The following KIF7 variants were observed in gnomAD, a reference collection of about 807,000 sequenced individuals.
KIF7 encodes the protein kinesin family member 7.
In KIF7, 104 loss-of-function variants were observed where a neutral mutation model predicts 135.7. That is an observed-to-expected ratio of 0.77 (90% confidence interval 0.65 to 0.90). KIF7 has a LOEUF of 0.90. KIF7 is among the 40% of genes least tolerant of loss of function. The probability of loss-of-function intolerance (pLI) is 0.00; values close to 1 mark genes in which losing one functional copy is unlikely to be tolerated. For missense variants in KIF7, 2,005 were observed against 1,839.1 expected (o/e 1.09, Z -1.65); for synonymous variants, 883 against 809.4 (o/e 1.09, Z -1.54).
intron 11 of KIF7, among the ~76,000 whole-genome samples, chr15:89,635,016 A>T (rs1963774355): frequency 6.6e-6 from 1 of 152,042 alleles, no homozygotes; most frequent in Non-Finnish European, 1.5e-5. Flanking sequence ...TGGGTTCCTG[A>T]CCCCTGACCT....
the KIF7 span, among the ~76,000 whole-genome samples, chr15:89,662,414 T>C: frequency 6.6e-6 from 1 of 152,160 alleles, no homozygotes; most frequent in Non-Finnish European, 1.5e-5. Flanking sequence ...AGACAATCGC[T>C]TAAGCCTGGG....
Position 89,648,115 on chromosome 15 carries a change from C to T in KIF7, c.1443+140G>A, listed in dbSNP as rs377735449. 110 of 1,357,126 alleles carry T rather than the reference C, an allele frequency of 8.1e-5. No homozygotes were observed. In the East Asian group the frequency reaches 1.7e-3, roughly 20 times the overall value. The allele number at this position is 1,357,126 out of a possible 1,614,324, so 84.1% of individuals were successfully genotyped here. On this transcript the variant is annotated intron_variant, in intron 5 of 18. Transcript: ENST00000394412. ...AAGTTAAGGAAGTGACCACGGTAAT[C>T]AGCAGAAGTGACCGAATCCCGAACG... is the stretch of plus-strand genomic sequence containing the variant.
intron 10 of KIF7, among the ~76,000 whole-genome samples, chr15:89,644,685 A>G (rs575452248): frequency 6.6e-6 from 1 of 152,312 alleles, no homozygotes; most frequent in East Asian, 1.9e-4. Context: ...CTCTTTCTCA[A>G]AAAAAGAAAA....
chr15:89,623,969 C>T (rs745474783), downstream of KIF7: 2 of 1,613,978 alleles, frequency 1.2e-6, no homozygotes, highest in Admixed American at 3.3e-5. Context: ...AATTCCAGTC[C>T]AGAAAGCCCC....
downstream of KIF7, among the ~76,000 whole-genome samples, chr15:89,626,750 T>G (rs1474978105): frequency 3.9e-5 from 6 of 152,338 alleles, no homozygotes; most frequent in East Asian, 3.9e-4. Flanking sequence ...CAGAGCTGCT[T>G]CTTGCTGCCA....
At chr15:89,623,604 T>G (rs770981918), downstream of KIF7, 1 of 1,586,602 alleles carries the variant, frequency 6.3e-7, no homozygotes, top group Non-Finnish European at 8.6e-7. Flanking sequence ...AGGACTGAAA[T>G]AAGCATTTCT....
rs1324387832 is a variant in KIF7, at chr15:89,648,571, G to A, written c.1127C>T (p.Pro376Leu). 2.0e-6 allele frequency: 3 copies of A among 1,487,830 alleles called. No homozygotes were observed. Among genetic ancestry groups the A allele is most frequent in the Admixed American group, 2.1e-5 (1 of 46,680 alleles). 92.2% of individuals were successfully genotyped at this position (1,487,830 alleles called of 1,614,324 possible). A position where few individuals can be genotyped will look rare whatever the true frequency, so the allele number is the denominator to read the frequency against. The stretch of plus-strand genomic sequence containing the variant: ...GATGCGGGTCTCGGAGCGGTGCCGT[G>A]GCGGACCCCGCGCGCCGCTCGCCGT... ...EETASGARGP[P>L]RHRSETRIIH... Residue 376 changes from proline (P) to leucine (L), a missense_variant, in exon 5 of 19, where the codon CCA becomes CTA. Coordinates refer to ENST00000394412, the MANE Select transcript of KIF7 (RefSeq NM_198525.3).
intron 11 of KIF7, among the ~76,000 whole-genome samples, chr15:89,635,309 G>A (rs558338799): frequency 2.6e-4 from 40 of 152,330 alleles, no homozygotes; most frequent in East Asian, 5.8e-4. Context: ...CACCAGCAAC[G>A]GAACAAAGCT....
intron 11 of KIF7, 115 bp from the exon 12 acceptor site, chr15:89,633,998 G>C (rs1963746601): frequency 9.2e-7 from 1 of 1,087,012 alleles, no homozygotes; most frequent in African/African-American, 1.5e-5. Context: ...GTGGGTGATA[G>C]ACCAATAATA....
intron 15 of KIF7, 62 bp downstream of exon 15, chr15:89,631,433 G>C: frequency 7.0e-7 from 1 of 1,420,038 alleles, no homozygotes. Context: ...CAAGGGCTGA[G>C]GAGAGCAGAC....
At chr15:89,629,668 C>T (rs1238546529) in intron 16 of KIF7, 95 bp from the exon 17 acceptor site, 13 of 1,522,718 alleles carry the variant, frequency 8.5e-6, no homozygotes, top group Non-Finnish European at 1.2e-5. Context: ...CACTTGCCAC[C>T]ACGGCACTAA....
In KIF7 at chr15:89,652,944, T is replaced by C; in HGVS notation, c.-14A>G. 6.7e-7 allele frequency: 1 copy of C among 1,490,284 alleles called. No homozygotes were observed. The highest frequency in any genetic ancestry group is 9.0e-7 in the Non-Finnish European group (1 of 1,116,980). The allele number at this position is 1,490,284 out of a possible 1,614,324, so 92.3% of individuals were successfully genotyped here. A position where few individuals can be genotyped will look rare whatever the true frequency, so the allele number is the denominator to read the frequency against. ...CTCCAGCCCCATGCCGAGGGAGGAC[T>C]GCTCTGGGCCCTGTGGAGAGAGAGA... On this transcript the variant is annotated 5_prime_UTR_variant, in exon 2 of 19. Coordinates refer to ENST00000394412, the MANE Select transcript of KIF7 (RefSeq NM_198525.3).
intron 11 of KIF7, among the ~76,000 whole-genome samples, chr15:89,640,467 G>C (rs1351331454): frequency 2.0e-5 from 3 of 152,160 alleles, no homozygotes; most frequent in Non-Finnish European, 2.9e-5. Context: ...AACTGAGGCA[G>C]AGAGGTTAGG....
Position 89,649,257 on chromosome 15 carries a change from A to G in KIF7, c.640T>C (p.Ser214Pro), listed in dbSNP as rs1333950635. ...GTGAAGACCGTGTGTGAGCGGCTAG[A>G]CAGGTGGTTGAGGTGCGTGGCTCCC... is the stretch of plus-strand genomic sequence containing the variant. ...HTGATHLNHL[S>P]SRSHTVFTVT... is the part of the protein sequence containing the mutation. Residue 214 changes from serine (S) to proline (P), a missense_variant, in exon 4 of 19, where the codon TCT (serine) becomes CCT (proline). Transcript: ENST00000394412. 6.5e-7 allele frequency: 1 copy of G among 1,532,074 alleles called. No homozygotes were observed. Among genetic ancestry groups the G allele is most frequent in the East Asian group, 2.5e-5 (1 of 40,498 alleles). The allele number at this position is 1,532,074 out of a possible 1,614,324, so 94.9% of individuals were successfully genotyped here.
At chr15:89,618,842 C>T (rs987191638) in intron 1 of KIF7, among the ~76,000 whole-genome samples, 1 of 152,176 alleles carries the variant, frequency 6.6e-6, no homozygotes, top group African/African-American at 2.4e-5. Context: ...TCCTATGGTC[C>T]CAGCTACTCG....
intron 1 of KIF7, among the ~76,000 whole-genome samples, chr15:89,620,993 T>TTACA (rs1475558671): frequency 1.3e-5 from 2 of 151,798 alleles, no homozygotes; most frequent in Non-Finnish European, 2.9e-5. Context: ...AGTGCTGGGA[T>TTACA]TACAGGCGTG....
intron 14 of KIF7, among the ~76,000 whole-genome samples, chr15:89,632,450 G>T (rs1234515202): frequency 6.6e-6 from 1 of 152,170 alleles, no homozygotes. Flanking sequence ...CTGAGGAGGG[G>T]GTTAATGAGT....
rs1005083694 is a variant in KIF7 at position 89,630,119 on chromosome 15, T to C, written c.3318+168A>G. 15 of 672,422 alleles carry C rather than the reference T, an allele frequency of 2.2e-5. No homozygotes were observed. In the African/African-American group the frequency reaches 2.5e-4, roughly 11 times the overall value. The allele number at this position is 672,422 out of a possible 1,614,324, so 41.7% of individuals were successfully genotyped here. ...GCGGGTAGGAAACTGGGTCTTAGTT[T>C]CACAAGTAAAATAGGCTTTAAGGTC... On this transcript the variant is annotated intron_variant, in intron 16 of 18. Coordinates refer to ENST00000394412, the MANE Select transcript of KIF7 (RefSeq NM_198525.3).
chr15:89,631,178 G>A (rs1259579820), intron 15 of KIF7: 9 of 378,182 alleles, frequency 2.4e-5, no homozygotes, highest in African/African-American at 2.0e-5. Context: ...CTGAGTATGC[G>A]CCTGACACTC....
Sources: allele counts gnomAD v4.1 joint callset (sites outside exome capture counted in the v4.1 genomes callset), GRCh38; gene constraint gnomAD v4.1.1; transcripts MANE v1.5; gene names NCBI Gene and HGNC (gene_info 2026-07-23, HGNC 2026-07-21).